Variants in GRID2 observed in about 807,000 individuals in gnomAD.
GRID2 encodes the protein glutamate ionotropic receptor delta type subunit 2.
In GRID2, 33 loss-of-function variants were observed where a neutral mutation model predicts 114.8. That is an observed-to-expected ratio of 0.29 (90% confidence interval 0.22 to 0.38). The LOEUF (loss-of-function observed/expected upper bound fraction) is 0.38, where lower values mean the gene tolerates loss of function less well. GRID2 is among the 10% of genes least tolerant of loss of function. The pLI is 1.00. For missense variants in GRID2, 1,184 were observed against 1,257.7 expected (o/e 0.94, Z 0.89); for synonymous variants, 505 against 449.9 (o/e 1.12, Z -1.55).
intron 10 of GRID2, among the ~76,000 whole-genome samples, chr4:93,431,743 T>A (rs1194573633): frequency 6.6e-6 from 1 of 152,166 alleles, no homozygotes; most frequent in Non-Finnish European, 1.5e-5. Flanking sequence ...TTGTTTGTTT[T>A]TAAGTTAAAA....
intron 2 of GRID2, among the ~76,000 whole-genome samples, chr4:92,942,142 T>G (rs1751195799): frequency 6.6e-6 from 1 of 152,138 alleles, no homozygotes; most frequent in African/African-American, 2.4e-5. Context: ...TTCTGTCTTG[T>G]TGATCTGTCT....
At chr4:92,551,254 C>CTGTGTGTGTGTGTGTG (rs34809917) in intron 1 of GRID2, among the ~76,000 whole-genome samples, 2 of 146,872 alleles carry the variant, frequency 1.4e-5, no homozygotes, top group Admixed American at 6.8e-5. Context: ...ACATCTACAC[C>CTGTGTGTGTGTGTGTG]TGTGTGTGTG....
At chr4:93,277,776 C>A (rs1752212626) in intron 8 of GRID2, among the ~76,000 whole-genome samples, 1 of 151,776 alleles carries the variant, frequency 6.6e-6, no homozygotes, top group Non-Finnish European at 1.5e-5. Context: ...AAGTATCTGC[C>A]CCTCTTTGCA....
intron 14 of GRID2, among the ~76,000 whole-genome samples, chr4:93,654,075 CT>C (rs1722804197): frequency 6.6e-6 from 1 of 152,110 alleles, no homozygotes; most frequent in African/African-American, 2.4e-5. Flanking sequence ...AATAAGTGGA[CT>C]TATTGTAGCC....
chr4:93,657,515 T>C (rs954243124), intron 14 of GRID2, among the ~76,000 whole-genome samples: 1 of 152,106 alleles, frequency 6.6e-6, no homozygotes, highest in Non-Finnish European at 1.5e-5. Context: ...TTTATCGTAA[T>C]GTCATCCTGG....
intron 14 of GRID2, among the ~76,000 whole-genome samples, chr4:93,685,334 T>C (rs1206589246): frequency 6.6e-6 from 1 of 152,062 alleles, no homozygotes; most frequent in East Asian, 1.9e-4. Flanking sequence ...ATCAAAATCA[T>C]GTGCTGTTAC....
intron 2 of GRID2, among the ~76,000 whole-genome samples, chr4:92,876,172 T>A (rs1745612222): frequency 6.6e-6 from 1 of 152,010 alleles, no homozygotes; most frequent in Non-Finnish European, 1.5e-5. Context: ...TTTAGAAATG[T>A]CACCTTATAT....
intron 2 of GRID2, among the ~76,000 whole-genome samples, chr4:92,976,256 T>C (rs113158813): frequency 2.3e-4 from 35 of 152,158 alleles, no homozygotes; most frequent in African/African-American, 8.4e-4. Flanking sequence ...ATAAAATACA[T>C]ATGTGAAAAA....
At chr4:93,104,274 G>T (rs1265177440) in intron 3 of GRID2, among the ~76,000 whole-genome samples, 2 of 151,984 alleles carry the variant, frequency 1.3e-5, no homozygotes, top group African/African-American at 2.4e-5. Context: ...CAAATTTAGA[G>T]GCTTAAACAA....
intron 1 of GRID2, among the ~76,000 whole-genome samples, chr4:93,802,640 G>A (rs182439520): frequency 6.6e-6 from 1 of 152,148 alleles, no homozygotes; most frequent in East Asian, 1.9e-4. Context: ...TATCTATATT[G>A]CACCTTCTGT....
chr4:92,896,345 AT>A (rs902999083), intron 2 of GRID2, among the ~76,000 whole-genome samples: 3 of 152,184 alleles, frequency 2.0e-5, no homozygotes, highest in Non-Finnish European at 4.4e-5. Context: ...TCTGCTGTAA[AT>A]AAAATCCTGA....
chr4:92,961,379 ATTT>A (rs34933712), intron 2 of GRID2, among the ~76,000 whole-genome samples: 4 of 137,640 alleles, frequency 2.9e-5, no homozygotes, highest in African/African-American at 5.3e-5. Flanking sequence ...ATCCCCTCAA[ATTT>A]TTTTTTTTTT....
chr4:93,025,051 G>A (rs1411313394), intron 2 of GRID2, among the ~76,000 whole-genome samples: 2 of 151,238 alleles, frequency 1.3e-5, no homozygotes, highest in African/African-American at 4.8e-5. Context: ...CTAGCACACA[G>A]TAAGCCTTCA....
At chr4:92,697,701 A>T (rs1389890588) in intron 2 of GRID2, among the ~76,000 whole-genome samples, 1 of 152,128 alleles carries the variant, frequency 6.6e-6, no homozygotes, top group Non-Finnish European at 1.5e-5. Context: ...AAAGGCAAAA[A>T]AATAGAAAAA....
chr4:92,691,765 A>G (rs1386008582), intron 2 of GRID2, among the ~76,000 whole-genome samples: 1 of 152,206 alleles, frequency 6.6e-6, no homozygotes, highest in African/African-American at 2.4e-5. Flanking sequence ...GGTTCCCATC[A>G]TCACACATAC....
At chr4:92,664,232 T>A (rs538631796) in intron 2 of GRID2, among the ~76,000 whole-genome samples, 40 of 151,494 alleles carry the variant, frequency 2.6e-4, no homozygotes, top group African/African-American at 9.2e-4. Flanking sequence ...CTCAAAATTT[T>A]CTTCTTAGCA....
chr4:93,419,970 A>T (rs1033154089), intron 9 of GRID2, among the ~76,000 whole-genome samples: 1 of 152,062 alleles, frequency 6.6e-6, no homozygotes, highest in Admixed American at 6.6e-5. Context: ...TAAATTCATA[A>T]TTTTTTAAGT....
chr4:92,613,390 G>C (rs921589011), intron 2 of GRID2, among the ~76,000 whole-genome samples: 1 of 151,366 alleles, frequency 6.6e-6, no homozygotes, highest in African/African-American at 2.4e-5. Context: ...TTCTCTTCTT[G>C]TGATGTTTTA....
intron 3 of GRID2, among the ~76,000 whole-genome samples, chr4:93,100,630 A>G (rs1252190512): frequency 6.6e-6 from 1 of 152,038 alleles, no homozygotes; most frequent in Non-Finnish European, 1.5e-5. Context: ...ATTAATTTTA[A>G]TGCTTGGCAT....
Sources: gnomAD v4.1 joint callset for allele counts (sites outside exome capture counted in the v4.1 genomes callset) on GRCh38, gnomAD v4.1.1 for gene constraint, MANE v1.5 for transcripts, NCBI Gene and HGNC (gene_info 2026-07-23, HGNC 2026-07-21) for gene names.